ULK4: variants seen among roughly 807,000 people sequenced by gnomAD.
ULK4 encodes unc-51 like kinase 4.
ULK4 carries 133 observed loss-of-function variants against 160.6 expected under a neutral mutation model. The observed-to-expected ratio is 0.83, with a 90% confidence interval of 0.72 to 0.96. The LOEUF (loss-of-function observed/expected upper bound fraction) is 0.96, where lower values mean the gene tolerates loss of function less well. Among genes scored for constraint, ULK4 ranks in the 40% least tolerant of loss-of-function variants. The pLI, the probability that ULK4 is intolerant of heterozygous loss-of-function variation, is 0.00. For missense variants in ULK4, 1,580 were observed against 1,499.5 expected (o/e 1.05, Z -0.89); for synonymous variants, 534 against 539.8 (o/e 0.99, Z 0.15).
intron 32 of ULK4, among the ~76,000 whole-genome samples, chr3:41,471,625 C>T (rs2083993681): frequency 6.6e-6 from 1 of 152,072 alleles, no homozygotes; most frequent in Non-Finnish European, 1.5e-5. Flanking sequence ...CAAGTATTCA[C>T]AAATTTAAGA....
chr3:41,705,310 A>T lies in ULK4; in HGVS notation c.2635-5T>A. 6.2e-7 allele frequency: 1 copy of T among 1,602,934 alleles called. No homozygotes were observed. On this transcript the variant is annotated splice_region_variant and splice_polypyrimidine_tract_variant and intron_variant, in intron 25 of 36. Coordinates refer to ENST00000301831, the MANE Select transcript of ULK4 (RefSeq NM_017886.4). ...GTCTACAGATTTAATATGACTCTGA[A>T]AAAAAATAAATTTTTAATAAATAGA... is the stretch of plus-strand genomic sequence containing the variant.
At chr3:41,876,669 G>C (rs1172714076) in intron 17 of ULK4, among the ~76,000 whole-genome samples, 1 of 152,154 alleles carries the variant, frequency 6.6e-6, no homozygotes, top group Non-Finnish European at 1.5e-5. Flanking sequence ...CAGTGATGTA[G>C]TATACTCATG....
At chr3:41,814,077 C>T (rs76070047) in intron 19 of ULK4, among the ~76,000 whole-genome samples, 1 of 152,100 alleles carries the variant, frequency 6.6e-6, no homozygotes, top group East Asian at 1.9e-4. Flanking sequence ...TCACTGCAAA[C>T]GGGAGGTTTG....
chr3:41,895,404 TA>T, intron 16 of ULK4, 113 bp downstream of exon 16: 1 of 528,386 alleles, frequency 1.9e-6, no homozygotes, highest in Non-Finnish European at 3.1e-6. Flanking sequence ...GAGTCATCAT[TA>T]CATCAGAATA....
chr3:41,961,227 G>A (rs980142540), intron 1 of ULK4, among the ~76,000 whole-genome samples: 1 of 152,204 alleles, frequency 6.6e-6, no homozygotes, highest in Admixed American at 6.5e-5. Flanking sequence ...CAGGTGATAA[G>A]AGCGCACAGG....
intron 32 of ULK4, among the ~76,000 whole-genome samples, chr3:41,474,132 A>G (rs1219096192): frequency 2.0e-5 from 3 of 152,232 alleles, no homozygotes; most frequent in African/African-American, 7.2e-5. Flanking sequence ...ATAGTAACTT[A>G]AAAAGCATGG....
At chr3:41,396,315 A>T (rs1445170819) in intron 35 of ULK4, among the ~76,000 whole-genome samples, 1 of 139,864 alleles carries the variant, frequency 7.1e-6, no homozygotes, top group Non-Finnish European at 1.5e-5. Context: ...CATGCCAAAA[A>T]GATCTGAAAT....
chr3:41,679,760 T>C (rs1164437907), intron 29 of ULK4, among the ~76,000 whole-genome samples: 3 of 152,244 alleles, frequency 2.0e-5, no homozygotes, highest in African/African-American at 4.8e-5. Flanking sequence ...ATTACTAAAC[T>C]GTGAAGTCCT....
chr3:41,553,976 C>T (rs2087185177), intron 32 of ULK4, among the ~76,000 whole-genome samples: 1 of 152,034 alleles, frequency 6.6e-6, no homozygotes. Context: ...CTTCCCCCAC[C>T]ACCAAAACCC....
At chr3:41,782,986 T>C (rs761476821) in intron 21 of ULK4, among the ~76,000 whole-genome samples, 37 of 148,500 alleles carry the variant, frequency 2.5e-4, no homozygotes, top group Admixed American at 2.0e-4. Flanking sequence ...AGGAGAAATA[T>C]GAGCCAGCAA....
intron 32 of ULK4, among the ~76,000 whole-genome samples, chr3:41,532,747 C>T (rs114966168): frequency 0.029 from 4,405 of 152,138 alleles, 148 homozygotes; most frequent in African/African-American, 0.08. Context: ...GCCCATAAAG[C>T]TTAAAATATT....
At chr3:41,443,390 A>G (rs1481033014) in intron 34 of ULK4, among the ~76,000 whole-genome samples, 1 of 152,252 alleles carries the variant, frequency 6.6e-6, no homozygotes, top group Non-Finnish European at 1.5e-5. Flanking sequence ...GGGGACAAAG[A>G]GGCAACCCAA....
intron 7 of ULK4, among the ~76,000 whole-genome samples, chr3:41,916,819 T>G (rs1187246661): frequency 1.3e-5 from 2 of 151,136 alleles, no homozygotes; most frequent in African/African-American, 4.9e-5. Context: ...GCGATTCTCC[T>G]GTCTCAGCCT....
chr3:41,395,992 C>T (rs2082050601), intron 35 of ULK4, among the ~76,000 whole-genome samples: 1 of 152,154 alleles, frequency 6.6e-6, no homozygotes, highest in South Asian at 2.1e-4. Flanking sequence ...TTGATTTTGA[C>T]CAAGTTGGGG....
At chr3:41,685,686 C>CA (rs1013153585) in intron 27 of ULK4, among the ~76,000 whole-genome samples, 1 of 152,156 alleles carries the variant, frequency 6.6e-6, no homozygotes, top group Non-Finnish European at 1.5e-5. Flanking sequence ...ATTCTTTGCC[C>CA]AGCCCAGACT....
chr3:41,859,262 T>A (rs1177238041), intron 17 of ULK4: 1 of 547,480 alleles, frequency 1.8e-6, no homozygotes, highest in East Asian at 4.8e-5. Flanking sequence ...TCAAGAAAGG[T>A]GGTCTGGTTT....
chr3:41,899,094 G>A (rs1698264629), intron 13 of ULK4: 1 of 152,468 alleles, frequency 6.6e-6, no homozygotes, highest in Non-Finnish European at 1.5e-5. Flanking sequence ...AGGTCTTGAA[G>A]GATGGTTAAT....
chr3:41,252,996 C>T (rs1019561093), intron 35 of ULK4, among the ~76,000 whole-genome samples: 2 of 151,996 alleles, frequency 1.3e-5, no homozygotes, highest in Non-Finnish European at 2.9e-5. Context: ...TTTTAAGATG[C>T]TAAATGAAAT....
intron 32 of ULK4, among the ~76,000 whole-genome samples, chr3:41,485,948 T>C (rs1230328822): frequency 1.3e-5 from 2 of 152,178 alleles, no homozygotes; most frequent in Non-Finnish European, 2.9e-5. Context: ...CAAAATAACA[T>C]AATATTCATT....
Sources: allele counts gnomAD v4.1 joint callset (sites outside exome capture counted in the v4.1 genomes callset), GRCh38; gene constraint gnomAD v4.1.1; transcripts MANE v1.5; gene names NCBI Gene and HGNC (gene_info 2026-07-23, HGNC 2026-07-21).